MICAL2: variants seen among roughly 807,000 people sequenced by gnomAD.
MICAL2 encodes the protein microtubule associated monooxygenase, calponin and LIM domain containing 2, also known as [F-actin]-monooxygenase MICAL2.
A neutral mutation model predicts 127.3 loss-of-function variants in MICAL2; 77 were observed. The observed-to-expected ratio is 0.60, with a 90% CI of 0.50 to 0.73. MICAL2 has a LOEUF of 0.73. Among genes scored for constraint, MICAL2 ranks in the 30% least tolerant of loss-of-function variants. The pLI is 0.00. For missense variants in MICAL2, 1,351 were observed against 1,434.4 expected (o/e 0.94, Z 0.94); for synonymous variants, 570 against 551.1 (o/e 1.03, Z -0.48).
intron 16 of MICAL2, among the ~76,000 whole-genome samples, 177 bp from the exon 17 acceptor site, chr11:12,239,259 T>A (rs921202529): frequency 2.0e-5 from 3 of 152,144 alleles, no homozygotes; most frequent in East Asian, 3.8e-4. Flanking sequence ...GAAAGACGCA[T>A]CCCTCCTGTG....
chr11:12,144,829 C>G (rs1040022502), intron 2 of MICAL2, among the ~76,000 whole-genome samples: 1 of 152,186 alleles, frequency 6.6e-6, no homozygotes, highest in African/African-American at 2.4e-5. Flanking sequence ...TCTACCCTGT[C>G]TTCTCAGACA....
chr11:12,175,692 A>G (rs1236785161), intron 3 of MICAL2, among the ~76,000 whole-genome samples: 1 of 151,962 alleles, frequency 6.6e-6, no homozygotes, highest in Non-Finnish European at 1.5e-5. Flanking sequence ...ATGTCCTGGG[A>G]AGGCTTCTAG....
At chr11:12,280,367 GAGCCA>G (rs1369614871) in intron 1 of MICAL2, among the ~76,000 whole-genome samples, 3 of 152,178 alleles carry the variant, frequency 2.0e-5, no homozygotes, top group Non-Finnish European at 4.4e-5. Context: ...CTTCTGCTCT[GAGCCA>G]AGCCTGTATT....
intron 32 of MICAL2, among the ~76,000 whole-genome samples, chr11:12,338,955 G>A (rs1321374211): frequency 6.6e-6 from 1 of 152,158 alleles, no homozygotes; most frequent in South Asian, 2.1e-4. Context: ...TTCTCGAGGA[G>A]TATCTTTGCG....
chr11:12,118,113 A>G (rs932996684), intron 1 of MICAL2, among the ~76,000 whole-genome samples: 2 of 152,176 alleles, frequency 1.3e-5, no homozygotes, highest in Non-Finnish European at 2.9e-5. Flanking sequence ...CCCCAACCAG[A>G]TGACCTAGAA....
chr11:12,230,181 T>C (rs1284579685), intron 15 of MICAL2, among the ~76,000 whole-genome samples: 1 of 152,214 alleles, frequency 6.6e-6, no homozygotes, highest in African/African-American at 2.4e-5. Context: ...TTGTTGTATC[T>C]GAATGCTTTT....
At chr11:12,158,363 A>C (rs1854413390) in intron 2 of MICAL2, among the ~76,000 whole-genome samples, 1 of 152,172 alleles carries the variant, frequency 6.6e-6, no homozygotes, top group African/African-American at 2.4e-5. Flanking sequence ...CTGTTTGAAG[A>C]ATCGTAATGA....
intron 32 of MICAL2, among the ~76,000 whole-genome samples, chr11:12,347,850 C>T (rs4625438): frequency 0.24 from 36,500 of 151,778 alleles, 4,726 homozygotes; most frequent in East Asian, 0.41. Context: ...TGCACAAGAC[C>T]CTGATATAAA....
intron 26 of MICAL2, chr11:12,261,167 C>G (rs901852850): frequency 2.0e-6 from 2 of 985,522 alleles, no homozygotes; most frequent in African/African-American, 3.5e-5. Flanking sequence ...CAGGCTATTG[C>G]TGGGAAGCGT....
At chr11:12,136,414 G>T (rs1851840954) in intron 1 of MICAL2, among the ~76,000 whole-genome samples, 1 of 152,078 alleles carries the variant, frequency 6.6e-6, no homozygotes, top group Admixed American at 6.5e-5. Flanking sequence ...TGTCTTACAG[G>T]GTTGCTGGGA....
At chr11:12,283,504 A>G (rs10741577) in intron 2 of MICAL2, among the ~76,000 whole-genome samples, 67,672 of 152,042 alleles carry the variant, frequency 0.45, 16,569 homozygotes, top group East Asian at 0.78. Flanking sequence ...GACTTTAAAA[A>G]GAAGGGACTC....
chr11:12,126,620 G>A (rs1850940935), intron 1 of MICAL2, among the ~76,000 whole-genome samples: 1 of 151,864 alleles, frequency 6.6e-6, no homozygotes, highest in Non-Finnish European at 1.5e-5. Flanking sequence ...TAGGCTCTGT[G>A]CTGTGGGGAT....
intron 21 of MICAL2, 135 bp downstream of exon 21, chr11:12,244,247 C>A: frequency 1.6e-6 from 2 of 1,239,154 alleles, no homozygotes; most frequent in Non-Finnish European, 1.2e-6. Context: ...TACACCAGTG[C>A]TGGATTCAAT....
At position 12,226,234 on chromosome 11, in the gene MICAL2, C is replaced by T. The variant is rs138685227; in HGVS notation, c.1752C>T (p.Ala584=). ...VENNQLAFDV[A]EREFGIPPVT... Reference sequence around the variant, plus strand: ...ACAACCAGCTCGCATTTGATGTGGCCGAGCGAGAGTTTGGGATCCCTCCAG... The same window carrying T: ...ACAACCAGCTCGCATTTGATGTGGCTGAGCGAGAGTTTGGGATCCCTCCAG... The change falls in exon 14 of 28, where the codon GCC becomes GCT. Residue 584 remains alanine (A), a synonymous_variant. Coordinates refer to ENST00000683283, the MANE Select transcript of MICAL2 (RefSeq NM_001282663.2). 2.5e-4 allele frequency: 411 copies of T among 1,614,078 alleles called. 1 individual carries two copies. Among genetic ancestry groups the T allele is most frequent in the Non-Finnish European group, 3.2e-4 (379 of 1,180,046 alleles).
At chr11:12,350,055 T>C in intron 33 of MICAL2, 1 of 666,254 alleles carries the variant, frequency 1.5e-6, no homozygotes, top group Non-Finnish European at 2.6e-6. Flanking sequence ...AGAATAGTGA[T>C]TGAGGCAAAT....
chr11:12,221,276 G>T lies in MICAL2; in HGVS notation c.1207-368G>T, dbSNP rs143984297. Among the ~76,000 whole-genome samples the T allele has an allele frequency of 6.6e-5, 10 of 152,160 alleles. No homozygotes were observed. In the East Asian group the frequency reaches 1.9e-3, roughly 29 times the overall value. On this transcript the variant is annotated intron_variant, in intron 9 of 27. Coordinates refer to ENST00000683283, the MANE Select transcript of MICAL2 (RefSeq NM_001282663.2). The stretch of plus-strand genomic sequence containing the variant: ...AGCATTTTCCAACCACCATGCCTTT[G>T]CCCACACCATTCCCAAGTAGCTCAG...
chr11:12,123,906 G>A (rs113697716), intron 1 of MICAL2, among the ~76,000 whole-genome samples: 2 of 152,064 alleles, frequency 1.3e-5, no homozygotes, highest in South Asian at 4.1e-4. Flanking sequence ...TTTATGGTAT[G>A]AGGACAGCAG....
intron 21 of MICAL2, among the ~76,000 whole-genome samples, chr11:12,248,353 T>C (rs1861054201): frequency 6.6e-6 from 1 of 152,206 alleles, no homozygotes; most frequent in Non-Finnish European, 1.5e-5. Context: ...TTTCCTCATC[T>C]ATCCCACCAA....
intron 1 of MICAL2, among the ~76,000 whole-genome samples, chr11:12,113,420 A>G (rs1172558005): frequency 6.6e-6 from 1 of 152,234 alleles, no homozygotes; most frequent in African/African-American, 2.4e-5. Context: ...ACTTGCCTGC[A>G]TCACACAGCA....
Sources: allele counts gnomAD v4.1 joint callset (sites outside exome capture counted in the v4.1 genomes callset), GRCh38; gene constraint gnomAD v4.1.1; transcripts MANE v1.5; gene names NCBI Gene and HGNC (gene_info 2026-07-23, HGNC 2026-07-21).